The following ATP6V0D1 variants were observed in gnomAD, a reference collection of about 807,000 sequenced individuals.
The protein encoded by ATP6V0D1 is ATPase H+ transporting V0 subunit d1, also known as V-type proton ATPase subunit d 1.
In ATP6V0D1, 13 loss-of-function variants were observed where a neutral mutation model predicts 39.0. The ratio of observed to expected loss-of-function variants is 0.33; its 90% CI spans 0.22 to 0.53. The LOEUF is 0.53. Ranked by LOEUF, ATP6V0D1 falls within the 20% of genes least tolerant of loss-of-function variation. The pLI is 0.94. For missense variants in ATP6V0D1, 272 were observed against 470.9 expected (o/e 0.58, Z 3.91); for synonymous variants, 191 against 191.2 (o/e 1.00, Z 0.01).
chr16:67,465,064 C>T (rs569214883), intron 1 of ATP6V0D1, among the ~76,000 whole-genome samples: 2 of 152,364 alleles, frequency 1.3e-5, no homozygotes, highest in South Asian at 4.1e-4. Context: ...CCTTCGGGGC[C>T]TTGACTTTCC....
chr16:67,444,440 G>A lies in ATP6V0D1; in HGVS notation c.481+88C>T. 2 of 1,426,778 alleles carry A rather than the reference G, an allele frequency of 1.4e-6. No homozygotes were observed. Among genetic ancestry groups the A allele is most frequent in the Non-Finnish European group, 1.9e-6 (2 of 1,062,350 alleles). 88.4% of individuals were successfully genotyped at this position (1,426,778 alleles called of 1,614,324 possible). On this transcript the variant is annotated intron_variant, in intron 3 of 7. Transcript: ENST00000290949. This position sits in a 1 kb window ranked among gnomAD's most constrained non-coding sequence, Gnocchi z 4.8. ...GGCAGGTCTCACTTTCTGGCTCAGG[G>A]TCGCCCCCCAGCGGGTCCACAAACC...
chr16:67,448,528 C>A (rs1269347105), intron 2 of ATP6V0D1, among the ~76,000 whole-genome samples: 1 of 151,930 alleles, frequency 6.6e-6, no homozygotes, highest in South Asian at 2.1e-4. Context: ...GGTGTGGTGG[C>A]GCACACCTGT....
intron 3 of ATP6V0D1, chr16:67,443,530 C>T (rs1012804323): frequency 4.3e-5 from 10 of 232,990 alleles, no homozygotes; most frequent in Non-Finnish European, 7.7e-5. Flanking sequence ...GCTGTGGATT[C>T]GGGGCCTAAC....
At chr16:67,470,547 G>A (rs2041364432) in intron 1 of ATP6V0D1, among the ~76,000 whole-genome samples, 1 of 152,204 alleles carries the variant, frequency 6.6e-6, no homozygotes, top group Admixed American at 6.5e-5. Context: ...CAGGACTTGT[G>A]GGCAGAGCTA....
intron 1 of ATP6V0D1, among the ~76,000 whole-genome samples, chr16:67,473,071 C>T (rs2041387116): frequency 6.6e-6 from 1 of 152,152 alleles, no homozygotes; most frequent in Non-Finnish European, 1.5e-5. Flanking sequence ...CCAGACCTCG[C>T]TGCTGCAAAT....
In ATP6V0D1 at chr16:67,453,361, G is replaced by A. The variant is rs958934082; in HGVS notation, c.302+183C>T. Among the ~76,000 whole-genome samples, 1 of 152,154 alleles carries A rather than the reference G, an allele frequency of 6.6e-6. No homozygotes were observed. Among genetic ancestry groups the A allele is most frequent in the East Asian group, 1.9e-4 (1 of 5,184 alleles). On this transcript the variant is annotated intron_variant, in intron 2 of 7. Transcript: ENST00000290949. This position sits in a 1 kb window ranked among gnomAD's most constrained non-coding sequence, Gnocchi z 4.1. ...AAGTCCAGGGTTGTTGAATGACCAC[G>A]CACACAGTCAGGGAGGACTCTGAAG...
chr16:67,453,877 C>G lies in ATP6V0D1; in HGVS notation c.131-162G>C, dbSNP rs2041210006. Among the ~76,000 whole-genome samples the G allele has an allele frequency of 6.6e-6, 1 of 152,132 alleles. No homozygotes were observed. Among genetic ancestry groups the G allele is most frequent in the Non-Finnish European group, 1.5e-5 (1 of 68,040 alleles). On this transcript the variant is annotated intron_variant, in intron 1 of 7. Coordinates refer to ENST00000290949, the MANE Select transcript of ATP6V0D1 (RefSeq NM_004691.5). This position sits in a 1 kb window ranked among gnomAD's most constrained non-coding sequence, Gnocchi z 4.1. Reference sequence around the variant, plus strand: ...TGTTGGCTCAGGGCCTACCACAGGGCAATCAGCTAAGGCCCTGGAGATGCA... The same window carrying G: ...TGTTGGCTCAGGGCCTACCACAGGGGAATCAGCTAAGGCCCTGGAGATGCA...
intron 1 of ATP6V0D1, among the ~76,000 whole-genome samples, chr16:67,462,563 A>G (rs965569844): frequency 2.0e-5 from 3 of 152,196 alleles, no homozygotes; most frequent in African/African-American, 7.2e-5. Context: ...AGTGGCTCAC[A>G]CCTATAATCC....
Position 67,438,949 on chromosome 16 carries a change from T to C in ATP6V0D1, c.816+22A>G, listed in dbSNP as rs779642042. 9 of 1,613,464 alleles carry C rather than the reference T, an allele frequency of 5.6e-6. No individual in the cohort carries two copies. In the African/African-American group the frequency reaches 1.2e-4, roughly 22 times the overall value. ...TTGGTGACAACACATCCAACCGCTG[T>C]CCTGCCAGCCGGGGCACTCACCGGG... On this transcript the variant is annotated intron_variant, in intron 6 of 7. Transcript: ENST00000290949.
In ATP6V0D1 at chr16:67,439,319, G is replaced by A; in HGVS notation, c.594C>T (p.Thr198=). ...AYLESFYKFC[T]LLGGTTADAM... ...CATCAGCCGTAGTCCCGCCCAGTAGGGTGCAGAACTTGTAGAAGGACTCCA... is the reference window on the plus strand; with the variant it reads ...CATCAGCCGTAGTCCCGCCCAGTAGAGTGCAGAACTTGTAGAAGGACTCCA... The change falls in exon 5 of 8, where the codon ACC becomes ACT. Residue 198 remains threonine, a synonymous_variant. Coordinates refer to ENST00000290949, the MANE Select transcript of ATP6V0D1 (RefSeq NM_004691.5). The A allele has an allele frequency of 1.2e-6, 2 of 1,614,134 alleles. No individual in the cohort carries two copies. Among genetic ancestry groups the A allele is most frequent in the South Asian group, 2.2e-5 (2 of 91,082 alleles).
intron 1 of ATP6V0D1, among the ~76,000 whole-genome samples, chr16:67,459,611 G>C (rs1281855141): frequency 6.6e-6 from 1 of 152,240 alleles, no homozygotes; most frequent in Non-Finnish European, 1.5e-5. Flanking sequence ...GCTAACCCCA[G>C]ACAGGCCTTG....
chr16:67,444,819 C>T lies in ATP6V0D1; in HGVS notation c.303-113G>A. The T allele has an allele frequency of 1.0e-6, 1 of 1,004,232 alleles. No homozygotes were observed. Among genetic ancestry groups the T allele is most frequent in the Non-Finnish European group, 1.4e-6 (1 of 706,590 alleles). 62.2% of individuals were successfully genotyped at this position (1,004,232 alleles called of 1,614,324 possible). A position where few individuals can be genotyped will look rare whatever the true frequency, so the allele number is the denominator to read the frequency against. ...GGCCATCACCCCTTAACAATGTATG[C>T]TGACTCATGGGTGCTGCGGATAAGC... On this transcript the variant is annotated intron_variant, in intron 2 of 7. Transcript: ENST00000290949. This position sits in a 1 kb window ranked among gnomAD's most constrained non-coding sequence, Gnocchi z 4.8.
At chr16:67,458,248 T>G (rs566819605) in intron 1 of ATP6V0D1, among the ~76,000 whole-genome samples, 2 of 152,296 alleles carry the variant, frequency 1.3e-5, no homozygotes, top group South Asian at 2.1e-4. Flanking sequence ...CTCCCCAGCT[T>G]CCTGCTCTCT....
intron 1 of ATP6V0D1, among the ~76,000 whole-genome samples, chr16:67,466,369 AC>A: frequency 6.7e-6 from 1 of 150,162 alleles, no homozygotes; most frequent in East Asian, 1.9e-4. Flanking sequence ...ACACACACAC[AC>A]ACACACAAAA....
rs1240420093 is a variant in ATP6V0D1 at position 67,438,479 on chromosome 16, A to G, written c.*49T>C. The G allele has an allele frequency of 2.0e-5, 32 of 1,585,236 alleles. No homozygotes were observed. The highest frequency in any genetic ancestry group is 2.5e-5 in the Non-Finnish European group (29 of 1,163,640). On this transcript the variant is annotated 3_prime_UTR_variant, in exon 8 of 8. Transcript: ENST00000290949. ...CACACACGCACACACACGCGCACACACACACACACACACACAAAGAGTGCA... is the reference window on the plus strand; with the variant it reads ...CACACACGCACACACACGCGCACACGCACACACACACACACAAAGAGTGCA...
At position 67,438,481 on chromosome 16, in the gene ATP6V0D1, A is replaced by C. The variant is rs531616220; in HGVS notation, c.*47T>G. ...CACACGCACACACACGCGCACACAC[A>C]CACACACACACACAAAGAGTGCAAT... is the stretch of plus-strand genomic sequence containing the variant. On this transcript the variant is annotated 3_prime_UTR_variant, in exon 8 of 8. Coordinates refer to ENST00000290949, the MANE Select transcript of ATP6V0D1 (RefSeq NM_004691.5). 6.2e-7 allele frequency: 1 copy of C among 1,603,360 alleles called. No individual in the cohort carries two copies. The highest frequency in any genetic ancestry group is 1.1e-5 in the South Asian group (1 of 90,188).
chr16:67,445,492 G>A (rs144456315), intron 2 of ATP6V0D1, among the ~76,000 whole-genome samples: 4 of 152,182 alleles, frequency 2.6e-5, no homozygotes, highest in Non-Finnish European at 5.9e-5. Context: ...GAAGGCCCAG[G>A]TCAGGCAGAC....
At chr16:67,472,458 G>A (rs954377925) in intron 1 of ATP6V0D1, among the ~76,000 whole-genome samples, 17 of 152,130 alleles carry the variant, frequency 1.1e-4, no homozygotes, top group Admixed American at 8.5e-4. Context: ...TTTGGATCAC[G>A]TTTGACTCAG....
chr16:67,465,623 A>G (rs61004651), intron 1 of ATP6V0D1, among the ~76,000 whole-genome samples: 272 of 152,326 alleles, frequency 1.8e-3, no homozygotes, highest in African/African-American at 6.3e-3. Flanking sequence ...GGCATGACCC[A>G]GGTGAGGGTA....
Sources: allele counts gnomAD v4.1 joint callset (sites outside exome capture counted in the v4.1 genomes callset), GRCh38; gene constraint gnomAD v4.1.1; non-coding constraint Gnocchi (gnomAD v3.1); transcripts MANE v1.5; gene names NCBI Gene and HGNC (gene_info 2026-07-23, HGNC 2026-07-21).